The following TGFBR3 variants were observed in gnomAD, a reference collection of about 807,000 sequenced individuals.
The protein encoded by TGFBR3 is transforming growth factor beta receptor 3.
Under a neutral mutation model 87.9 loss-of-function variants are expected in TGFBR3, and 46 were observed. The observed-to-expected ratio is 0.52, with a 90% confidence interval of 0.41 to 0.67. The LOEUF (loss-of-function observed/expected upper bound fraction) is 0.67. Among genes scored for constraint, TGFBR3 ranks in the 30% least tolerant of loss-of-function variants. The pLI is 0.00. For missense variants in TGFBR3, 866 were observed against 1,041.9 expected (o/e 0.83, Z 2.32); for synonymous variants, 381 against 391.6 (o/e 0.97, Z 0.32).
intron 3 of TGFBR3, among the ~76,000 whole-genome samples, chr1:91,769,636 GTTTT>G (rs202141219): frequency 6.6e-6 from 1 of 150,850 alleles, no homozygotes; most frequent in Non-Finnish European, 1.5e-5. Flanking sequence ...CTGTGTTTTT[GTTTT>G]TTTTGTTTTT....
At chr1:91,905,355 T>C (rs1045452648) in intron 1 of TGFBR3, among the ~76,000 whole-genome samples, 4 of 152,200 alleles carry the variant, frequency 2.6e-5, no homozygotes, top group Non-Finnish European at 4.4e-5. Flanking sequence ...GCCAAACCAA[T>C]AAAAATTTAC....
intron 7 of TGFBR3, 135 bp from the exon 8 acceptor site, chr1:91,722,279 C>T: frequency 2.5e-6 from 2 of 795,944 alleles, no homozygotes; most frequent in South Asian, 3.8e-5. Context: ...CCCCTGTTTT[C>T]CTTGGGCTAA....
chr1:91,893,354 G>A (rs897372725), intron 2 of TGFBR3, among the ~76,000 whole-genome samples: 4 of 151,620 alleles, frequency 2.6e-5, no homozygotes, highest in East Asian at 1.9e-4. Flanking sequence ...GCGTGATCTC[G>A]GCCCACTACA....
At chr1:91,856,036 G>A (rs750657447) in intron 2 of TGFBR3, among the ~76,000 whole-genome samples, 3 of 151,884 alleles carry the variant, frequency 2.0e-5, no homozygotes, top group Non-Finnish European at 4.4e-5. Context: ...ATATGATAAC[G>A]AAGGAACGAG....
In TGFBR3 at chr1:91,886,126, G is replaced by A; in HGVS notation, c.-362C>T. The A allele has an allele frequency of 2.2e-6, 1 of 454,106 alleles. No homozygotes were observed. Among genetic ancestry groups the A allele is most frequent in the South Asian group, 1.6e-5 (1 of 64,478 alleles). The allele number at this position is 454,106 out of a possible 1,614,324, so 28.1% of individuals were successfully genotyped here. Reference sequence around the variant, plus strand: ...CACTCGCTGGGAAGAGGAAAGTGCCGCTCGGCGTCCCCGAAACCCTCGATT... The same window carrying A: ...CACTCGCTGGGAAGAGGAAAGTGCCACTCGGCGTCCCCGAAACCCTCGATT... On this transcript the variant is annotated 5_prime_UTR_variant, in exon 1 of 17. Coordinates refer to ENST00000212355, the MANE Select transcript of TGFBR3 (RefSeq NM_003243.5).
chr1:91,801,248 C>A (rs1675618977), intron 2 of TGFBR3, among the ~76,000 whole-genome samples: 1 of 151,912 alleles, frequency 6.6e-6, no homozygotes, highest in South Asian at 2.1e-4. Flanking sequence ...GTAACTGTTT[C>A]AAGGTTGCCC....
intron 2 of TGFBR3, among the ~76,000 whole-genome samples, chr1:91,833,733 T>C (rs1259842475): frequency 6.6e-6 from 1 of 151,216 alleles, no homozygotes; most frequent in Non-Finnish European, 1.5e-5. Flanking sequence ...TGAGCCAAGA[T>C]GGTGCTACTG....
At chr1:91,902,722 AAAAC>A (rs535611916) in intron 1 of TGFBR3, among the ~76,000 whole-genome samples, 416 of 152,164 alleles carry the variant, frequency 2.7e-3, no homozygotes, top group Non-Finnish European at 4.3e-3. Context: ...ATAAGAAGCT[AAAAC>A]AAACACAGGA....
chr1:91,836,352 C>T (rs954602951), intron 2 of TGFBR3, among the ~76,000 whole-genome samples: 1 of 152,096 alleles, frequency 6.6e-6, no homozygotes, highest in African/African-American at 2.4e-5. Flanking sequence ...AACAACAGAG[C>T]ACTTGAAACA....
At chr1:91,771,699 C>T (rs1674383485) in intron 3 of TGFBR3, among the ~76,000 whole-genome samples, 3 of 108,680 alleles carry the variant, frequency 2.8e-5, no homozygotes, top group Non-Finnish European at 3.5e-5. Context: ...GAGCAAGACT[C>T]TGTCTCAAAA....
intron 14 of TGFBR3, among the ~76,000 whole-genome samples, chr1:91,703,831 T>C (rs1214315725): frequency 6.6e-6 from 1 of 152,238 alleles, no homozygotes; most frequent in Non-Finnish European, 1.5e-5. Context: ...CTATTTATGT[T>C]CTCTGGGCTT....
intron 3 of TGFBR3, among the ~76,000 whole-genome samples, chr1:91,788,436 G>A (rs1234347996): frequency 6.6e-6 from 1 of 152,114 alleles, no homozygotes; most frequent in Non-Finnish European, 1.5e-5. Context: ...GCATCAGAGG[G>A]GCCAAGTCAT....
At position 91,883,132 on chromosome 1, in the gene TGFBR3, T is replaced by G. The variant is rs143582154; in HGVS notation, c.-114+2746A>C. ...TGGATTTCCATTTCTCCCAGGTAAG[T>G]TGAAATATTATTCAAACCACACAAA... On this transcript the variant is annotated intron_variant, in intron 1 of 16. Coordinates refer to ENST00000212355, the MANE Select transcript of TGFBR3 (RefSeq NM_003243.5). 9.7e-3 allele frequency among the ~76,000 whole-genome samples: 1,474 copies of G among 152,294 alleles called. 24 individuals carry two copies. Among genetic ancestry groups the G allele is most frequent in the African/African-American group, 0.033 (1,367 of 41,556 alleles).
At chr1:91,858,610 C>CAA (rs58608714) in intron 2 of TGFBR3, among the ~76,000 whole-genome samples, 22 of 78,274 alleles carry the variant, frequency 2.8e-4, no homozygotes, top group African/African-American at 7.5e-4. Flanking sequence ...GACTCTGTCT[C>CAA]AAAAAAAAAA....
intron 2 of TGFBR3, among the ~76,000 whole-genome samples, chr1:91,805,206 G>A (rs1675783326): frequency 1.3e-5 from 2 of 152,162 alleles, no homozygotes; most frequent in African/African-American, 4.8e-5. Flanking sequence ...CCTCACTGGT[G>A]CCTCCCAATC....
At chr1:91,863,101 T>C (rs1220334933) in intron 1 of TGFBR3, among the ~76,000 whole-genome samples, 1 of 151,948 alleles carries the variant, frequency 6.6e-6, no homozygotes, top group Non-Finnish European at 1.5e-5. Context: ...AGGACAGGGG[T>C]GGGAGGGAGC....
At chr1:91,743,233 C>T (rs1475894489) in intron 4 of TGFBR3, among the ~76,000 whole-genome samples, 1 of 152,130 alleles carries the variant, frequency 6.6e-6, no homozygotes, top group Non-Finnish European at 1.5e-5. Context: ...CTGGGCCTCC[C>T]CAACGTTGGT....
At chr1:91,828,598 C>T (rs1479606837) in intron 2 of TGFBR3, among the ~76,000 whole-genome samples, 3 of 152,178 alleles carry the variant, frequency 2.0e-5, no homozygotes, top group Non-Finnish European at 4.4e-5. Context: ...CTGTAGTTGC[C>T]TTAAGCAGAA....
intron 3 of TGFBR3, among the ~76,000 whole-genome samples, chr1:91,787,621 C>T (rs1387735522): frequency 2.0e-5 from 3 of 152,164 alleles, no homozygotes; most frequent in Non-Finnish European, 4.4e-5. Flanking sequence ...TAAGACCAGA[C>T]AAGCCACCTC....
Sources: gnomAD v4.1 joint callset for allele counts (sites outside exome capture counted in the v4.1 genomes callset) on GRCh38, gnomAD v4.1.1 for gene constraint, MANE v1.5 for transcripts, NCBI Gene and HGNC (gene_info 2026-07-23, HGNC 2026-07-21) for gene names.